The following PLCB1 variants were observed in gnomAD, a reference collection of about 807,000 sequenced individuals.
PLCB1 encodes the protein phospholipase C beta 1, also known as 1-phosphatidylinositol 4,5-bisphosphate phosphodiesterase beta-1.
In PLCB1, 46 loss-of-function variants were observed where a neutral mutation model predicts 161.8. The observed-to-expected ratio is 0.28, with a 90% CI of 0.22 to 0.36. PLCB1 has a LOEUF of 0.36. PLCB1 is among the 10% of genes least tolerant of loss of function. The pLI is 1.00. For synonymous variants in PLCB1, 517 were observed against 503.7 expected (o/e 1.03, Z -0.35); for missense variants, 1,016 against 1,472.5 (o/e 0.69, Z 5.07).
At chr20:8,662,472 TAA>T (rs1491435232) in intron 9 of PLCB1, among the ~76,000 whole-genome samples, 2 of 137,658 alleles carry the variant, frequency 1.5e-5, no homozygotes, top group African/African-American at 5.3e-5. Context: ...TAATTATGTA[TAA>T]TATATATATA....
intron 9 of PLCB1, among the ~76,000 whole-genome samples, chr20:8,674,153 G>A (rs769968570): frequency 2.6e-5 from 4 of 152,156 alleles, no homozygotes; most frequent in Non-Finnish European, 5.9e-5. Context: ...ACAATCCCTG[G>A]ATGAAGAGAC....
At chr20:8,226,983 G>A (rs1442875085) in intron 2 of PLCB1, among the ~76,000 whole-genome samples, 2 of 152,018 alleles carry the variant, frequency 1.3e-5, no homozygotes, top group East Asian at 3.9e-4. Context: ...CACCGCGCCC[G>A]GCCAAGTAAA....
In PLCB1 at chr20:8,737,294, T is replaced by C. The variant is rs531054417; in HGVS notation, c.2208+102T>C. On this transcript the variant is annotated intron_variant, in intron 20 of 31. Transcript: ENST00000338037. ...AATTATTTGTTATTTAATTTGAAAA[T>C]TTACACACTTATAAAGCAATTACCT... The C allele has an allele frequency of 7.0e-6, 7 of 997,266 alleles. No individual in the cohort carries two copies. The South Asian group carries it at 8.9e-5, about 13-fold the overall frequency. The allele number at this position is 997,266 out of a possible 1,614,324, so 61.8% of individuals were successfully genotyped here.
At chr20:8,537,774 T>C (rs928724725) in intron 3 of PLCB1, among the ~76,000 whole-genome samples, 11 of 152,204 alleles carry the variant, frequency 7.2e-5, no homozygotes, top group Non-Finnish European at 1.6e-4. Flanking sequence ...TCTATCAGAA[T>C]AGAGCAGTGA....
At chr20:8,230,895 C>T (rs1391383307) in intron 2 of PLCB1, among the ~76,000 whole-genome samples, 2 of 152,090 alleles carry the variant, frequency 1.3e-5, no homozygotes, top group African/African-American at 4.8e-5. Context: ...ACCTCTCAAG[C>T]CCCCAAACCA....
intron 2 of PLCB1, among the ~76,000 whole-genome samples, chr20:8,365,455 A>C (rs913670897): frequency 2.6e-5 from 4 of 152,188 alleles, no homozygotes; most frequent in African/African-American, 9.6e-5. Context: ...ATAAAGATGA[A>C]AATCATGCCT....
chr20:8,574,012 T>A (rs1600162772), intron 3 of PLCB1, among the ~76,000 whole-genome samples: 1 of 152,374 alleles, frequency 6.6e-6, no homozygotes, highest in South Asian at 2.1e-4. Flanking sequence ...AAGACTACTT[T>A]GTGTTTGAAA....
At chr20:8,612,754 C>G (rs1246173372) in intron 3 of PLCB1, among the ~76,000 whole-genome samples, 2 of 152,124 alleles carry the variant, frequency 1.3e-5, no homozygotes, top group Non-Finnish European at 2.9e-5. Flanking sequence ...AACTACCAAC[C>G]TAATTAATGA....
At chr20:8,721,539 C>T (rs1453998445) in intron 14 of PLCB1, among the ~76,000 whole-genome samples, 2 of 152,138 alleles carry the variant, frequency 1.3e-5, no homozygotes, top group Admixed American at 6.6e-5. Flanking sequence ...AGGGGAAAAA[C>T]AATTCATTTA....
intron 9 of PLCB1, among the ~76,000 whole-genome samples, chr20:8,671,700 A>AT (rs1989947992): frequency 6.6e-6 from 1 of 152,206 alleles, no homozygotes; most frequent in Admixed American, 6.5e-5. Context: ...GAGTGCCCAG[A>AT]TTGAAGCCAA....
intron 31 of PLCB1, among the ~76,000 whole-genome samples, chr20:8,871,330 G>C (rs1261736718): frequency 6.6e-6 from 1 of 152,118 alleles, no homozygotes; most frequent in Non-Finnish European, 1.5e-5. Context: ...TCTCCCCAGT[G>C]AATGTCATCT....
intron 1 of PLCB1, among the ~76,000 whole-genome samples, chr20:8,134,313 A>T (rs2051322288): frequency 6.6e-6 from 1 of 152,258 alleles, no homozygotes; most frequent in South Asian, 2.1e-4. Context: ...TGATGGATTT[A>T]CTGAGAAAGA....
At chr20:8,680,853 G>A (rs1343073603) in intron 9 of PLCB1, among the ~76,000 whole-genome samples, 1 of 151,484 alleles carries the variant, frequency 6.6e-6, no homozygotes. Flanking sequence ...AGATAATAAA[G>A]GTAGAGAAAA....
chr20:8,786,691 G>GTTTT (rs539647446), intron 27 of PLCB1, among the ~76,000 whole-genome samples: 2 of 141,476 alleles, frequency 1.4e-5, no homozygotes, highest in Non-Finnish European at 3.1e-5. Context: ...AATCTTTTTT[G>GTTTT]TTTTTTTTTT....
At chr20:8,401,253 G>C (rs1978537130) in intron 3 of PLCB1, among the ~76,000 whole-genome samples, 1 of 152,088 alleles carries the variant, frequency 6.6e-6, no homozygotes, top group East Asian at 1.9e-4. Flanking sequence ...GATATATTAA[G>C]AGCTATCATA....
chr20:8,184,524 A>C (rs867826095), intron 2 of PLCB1, among the ~76,000 whole-genome samples: 47 of 151,852 alleles, frequency 3.1e-4, no homozygotes, highest in African/African-American at 1.0e-3. Context: ...TAGTTATATT[A>C]TTTTTATATT....
At chr20:8,147,766 A>G (rs1469024075) in intron 1 of PLCB1, among the ~76,000 whole-genome samples, 1 of 152,154 alleles carries the variant, frequency 6.6e-6, no homozygotes, top group Non-Finnish European at 1.5e-5. Flanking sequence ...AACATTGAAC[A>G]AAGAAGGGTT....
chr20:8,609,240 A>G (rs1202071879), intron 3 of PLCB1, among the ~76,000 whole-genome samples: 1 of 152,182 alleles, frequency 6.6e-6, no homozygotes, highest in Non-Finnish European at 1.5e-5. Context: ...CAGAAGCTGC[A>G]ATTACTTTTA....
chr20:8,865,207 A>G (rs1009266866), intron 31 of PLCB1, among the ~76,000 whole-genome samples: 1 of 152,164 alleles, frequency 6.6e-6, no homozygotes, highest in Admixed American at 6.5e-5. Context: ...ATGGAAAGTA[A>G]AAGTTCCCCT....
Sources: allele counts gnomAD v4.1 joint callset (sites outside exome capture counted in the v4.1 genomes callset), GRCh38; gene constraint gnomAD v4.1.1; transcripts MANE v1.5; gene names NCBI Gene and HGNC (gene_info 2026-07-23, HGNC 2026-07-21).